The following TPRG1 variants were observed in gnomAD, a reference collection of about 807,000 sequenced individuals.
TPRG1 encodes tumor protein p63 regulated 1.
Under a neutral mutation model 29.3 loss-of-function variants are expected in TPRG1, and 29 were observed. That is an observed-to-expected ratio of 0.99 (90% CI 0.74 to 1.35). The LOEUF is 1.35. Ranked by LOEUF, TPRG1 falls within the 40% of genes most tolerant of loss-of-function variation. The probability of loss-of-function intolerance (pLI) is 0.00; values close to 1 mark genes in which losing one functional copy is unlikely to be tolerated. For synonymous variants in TPRG1, 130 were observed against 116.8 expected, an observed-to-expected ratio of 1.11 and a Z score of -0.73; for missense variants, 327 against 335.0, an observed-to-expected ratio of 0.98 and a Z score of 0.19.
At chr3:189,037,382 C>T (rs551141781) in intron 4 of TPRG1, among the ~76,000 whole-genome samples, 1 of 151,666 alleles carries the variant, frequency 6.6e-6, no homozygotes, top group Non-Finnish European at 1.5e-5. Context: ...ACTAAGGAAA[C>T]AAATCATATG....
At chr3:189,248,199 T>C (rs1560602579) in intron 4 of TPRG1, among the ~76,000 whole-genome samples, 1 of 151,914 alleles carries the variant, frequency 6.6e-6, no homozygotes, top group African/African-American at 2.4e-5. Context: ...TGTTTAAATT[T>C]TTTTTCTTTC....
intron 4 of TPRG1, among the ~76,000 whole-genome samples, chr3:189,240,081 A>G (rs1431366260): frequency 6.6e-6 from 1 of 152,196 alleles, no homozygotes; most frequent in Admixed American, 6.5e-5. Context: ...AATCTTTTCA[A>G]TATACAGAAA....
At chr3:189,129,846 A>C (rs191507608) in intron 2 of TPRG1, among the ~76,000 whole-genome samples, 18 of 152,248 alleles carry the variant, frequency 1.2e-4, no homozygotes, top group Admixed American at 9.2e-4. Context: ...TATGAAAATA[A>C]TTTTACTTAT....
At chr3:189,150,141 AAG>A (rs1444345002) in intron 4 of TPRG1, among the ~76,000 whole-genome samples, 5 of 152,190 alleles carry the variant, frequency 3.3e-5, no homozygotes, top group Non-Finnish European at 5.9e-5. Flanking sequence ...ACCTTTGATG[AAG>A]AGAGTAAAGT....
chr3:189,151,770 A>G (rs1008274315), intron 5 of TPRG1, among the ~76,000 whole-genome samples: 9 of 152,148 alleles, frequency 5.9e-5, no homozygotes, highest in Non-Finnish European at 1.3e-4. Flanking sequence ...AGTCCCAGCT[A>G]TTTGGGAGGC....
intron 3 of TPRG1, among the ~76,000 whole-genome samples, chr3:189,221,194 T>C (rs1736888135): frequency 6.6e-6 from 1 of 152,220 alleles, no homozygotes; most frequent in African/African-American, 2.4e-5. Flanking sequence ...ATAATAATAT[T>C]TCTATAGCAC....
chr3:189,258,598 C>T (rs1579074091), intron 4 of TPRG1, among the ~76,000 whole-genome samples: 1 of 152,132 alleles, frequency 6.6e-6, no homozygotes, highest in East Asian at 1.9e-4. Context: ...TGAAACTGTG[C>T]CCACAGCCGC....
intron 1 of TPRG1, among the ~76,000 whole-genome samples, chr3:189,192,096 A>C (rs1731785950): frequency 6.6e-6 from 1 of 152,184 alleles, no homozygotes; most frequent in Non-Finnish European, 1.5e-5. Flanking sequence ...GCAATAACTA[A>C]ATAACTGGTT....
chr3:189,264,214 C>A (rs1018723297), intron 4 of TPRG1, among the ~76,000 whole-genome samples: 8 of 152,146 alleles, frequency 5.3e-5, no homozygotes, highest in Non-Finnish European at 1.2e-4. Context: ...AGTCTCTTCC[C>A]TTTCTTGGGT....
chr3:189,218,128 T>A, intron 3 of TPRG1: 2 of 840,894 alleles, frequency 2.4e-6, no homozygotes, highest in Non-Finnish European at 2.9e-6. Flanking sequence ...CTCTTTTTTT[T>A]TTGAGACGGA....
intron 3 of TPRG1, among the ~76,000 whole-genome samples, chr3:189,017,081 G>A (rs547326281): frequency 1.1e-4 from 16 of 151,642 alleles, no homozygotes; most frequent in African/African-American, 3.9e-4. Flanking sequence ...CCAATCAGTT[G>A]TAGATTTGGT....
In TPRG1 at chr3:189,289,593, G is replaced by A. The variant is rs992253893; in HGVS notation, c.480-20793G>A. Among the ~76,000 whole-genome samples, 4 of 152,098 alleles carry A rather than the reference G, an allele frequency of 2.6e-5. No homozygotes were observed. The South Asian group carries it at 8.3e-4, about 32-fold the overall frequency. ...CTTTTGGTTTCTTCACCTGTAAAATGGGGATGATGATAGTTTTTACTCAGA... is the reference window on the plus strand; with the variant it reads ...CTTTTGGTTTCTTCACCTGTAAAATAGGGATGATGATAGTTTTTACTCAGA... On this transcript the variant is annotated intron_variant, in intron 4 of 5. Transcript: ENST00000345063.
intron 4 of TPRG1, among the ~76,000 whole-genome samples, chr3:189,260,953 G>A (rs1487435712): frequency 6.6e-6 from 1 of 152,196 alleles, no homozygotes; most frequent in Non-Finnish European, 1.5e-5. Context: ...GAGCTTGAAA[G>A]GGCTTCTGCT....
At chr3:189,017,317 G>A (rs1712995803) in intron 3 of TPRG1, among the ~76,000 whole-genome samples, 1 of 151,798 alleles carries the variant, frequency 6.6e-6, no homozygotes, top group Non-Finnish European at 1.5e-5. Context: ...CCATGCTGGT[G>A]CACTGCCCCC....
chr3:189,168,443 T>C (rs1049476870), upstream of TPRG1, among the ~76,000 whole-genome samples: 37 of 152,194 alleles, frequency 2.4e-4, no homozygotes, highest in Non-Finnish European at 8.8e-5. Flanking sequence ...CAGAGTAGTT[T>C]GTATATTCAT....
rs1723235385 is a variant in TPRG1, at chr3:189,132,699, T to C, written c.-291+2T>C. The C allele has an allele frequency of 6.6e-6, 1 of 152,346 alleles. No homozygotes were observed. The highest frequency in any genetic ancestry group is 3.4e-3 in the Middle Eastern group (1 of 294). 9.4% of individuals were successfully genotyped at this position (152,346 alleles called of 1,614,324 possible). A position where few individuals can be genotyped will look rare whatever the true frequency, so the allele number is the denominator to read the frequency against. ...CTGAACTGTCAGGCGGGAAAACAGG[T>C]AAAACAATTTTCCTAGCGTTTGTCT... On this transcript the variant is annotated splice_donor_variant, in intron 3 of 6. Transcript: ENST00000412373. LOFTEE classifies it low-confidence loss of function (5UTR_SPLICE).
chr3:189,060,254 C>CA (rs1370842112), intron 4 of TPRG1, among the ~76,000 whole-genome samples: 1 of 151,944 alleles, frequency 6.6e-6, no homozygotes, highest in African/African-American at 2.4e-5. Flanking sequence ...AAGAAACAAA[C>CA]AAAAAACTCA....
chr3:189,162,982 A>C (rs1727679745), intron 5 of TPRG1, among the ~76,000 whole-genome samples: 1 of 152,190 alleles, frequency 6.6e-6, no homozygotes, highest in Non-Finnish European at 1.5e-5. Context: ...TTTAACATAG[A>C]GTTCTTAGGC....
chr3:189,207,323 C>T, intron 1 of TPRG1, 53 bp from the exon 2 acceptor site: 1 of 1,592,870 alleles, frequency 6.3e-7, no homozygotes, highest in East Asian at 2.2e-5. Context: ...ATAGCTAGGA[C>T]ACAGGTACAG....
Sources: allele counts gnomAD v4.1 joint callset (sites outside exome capture counted in the v4.1 genomes callset), GRCh38; gene constraint gnomAD v4.1.1; transcripts MANE v1.5; gene names NCBI Gene and HGNC (gene_info 2026-07-23, HGNC 2026-07-21).